CACNA2D1: variants seen among roughly 807,000 people sequenced by gnomAD.
The protein encoded by CACNA2D1 is voltage-dependent calcium channel subunit alpha-2/delta-1.
Under a neutral mutation model 171.5 loss-of-function variants are expected in CACNA2D1, and 53 were observed. The ratio of observed to expected loss-of-function variants is 0.31; its 90% CI spans 0.25 to 0.39. The LOEUF (loss-of-function observed/expected upper bound fraction) is 0.39, where lower values mean the gene tolerates loss of function less well. CACNA2D1 is among the 10% of genes least tolerant of loss of function. The probability of loss-of-function intolerance (pLI) is 1.00; values close to 1 mark genes in which losing one functional copy is unlikely to be tolerated. For missense variants in CACNA2D1, 903 were observed against 1,299.8 expected (o/e 0.69, Z 4.69); for synonymous variants, 442 against 443.1 (o/e 1.00, Z 0.03).
intron 3 of CACNA2D1, among the ~76,000 whole-genome samples, chr7:82,291,552 T>C (rs1278659658): frequency 1.4e-5 from 2 of 140,168 alleles, no homozygotes; most frequent in Admixed American, 7.5e-5. Flanking sequence ...TATAGATATA[T>C]ATAAATATAT....
intron 1 of CACNA2D1, among the ~76,000 whole-genome samples, chr7:82,364,654 A>G (rs778615510): frequency 6.6e-6 from 1 of 152,160 alleles, no homozygotes; most frequent in Admixed American, 6.5e-5. Flanking sequence ...TCCCAATCAG[A>G]TTCTTCCTGC....
chr7:82,125,309 G>T (rs763377084), intron 5 of CACNA2D1, among the ~76,000 whole-genome samples: 1 of 152,102 alleles, frequency 6.6e-6, no homozygotes, highest in Non-Finnish European at 1.5e-5. Context: ...GGTTAATAAG[G>T]CTTTGTAATG....
intron 4 of CACNA2D1, among the ~76,000 whole-genome samples, chr7:82,140,907 A>C (rs1792289975): frequency 6.9e-6 from 1 of 143,992 alleles, no homozygotes; most frequent in Non-Finnish European, 1.5e-5. Flanking sequence ...GTGAGCTGAG[A>C]TCACGCCACT....
intron 12 of CACNA2D1, among the ~76,000 whole-genome samples, chr7:82,016,465 TA>T (rs1800463402): frequency 1.3e-5 from 2 of 150,710 alleles, no homozygotes; most frequent in Admixed American, 1.3e-4. Context: ...AGTAAAAAAA[TA>T]AACAAGTAAG....
chr7:82,196,055 C>G (rs144308688), intron 3 of CACNA2D1, among the ~76,000 whole-genome samples: 2,063 of 105,076 alleles, frequency 0.02, 45 homozygotes, highest in African/African-American at 0.086. Flanking sequence ...CTGGATTCTA[C>G]TAATTTACAA....
At chr7:82,320,177 G>A (rs921295784) in intron 3 of CACNA2D1, among the ~76,000 whole-genome samples, 3 of 152,090 alleles carry the variant, frequency 2.0e-5, no homozygotes, top group South Asian at 4.1e-4. Context: ...GCAGAGAAAA[G>A]TATGAGTTTT....
At chr7:82,420,082 T>C (rs911789929) in intron 1 of CACNA2D1, among the ~76,000 whole-genome samples, 18 of 152,204 alleles carry the variant, frequency 1.2e-4, no homozygotes, top group African/African-American at 4.3e-4. Flanking sequence ...TGAGAAATTC[T>C]GCCTTAGGTT....
intron 24 of CACNA2D1, among the ~76,000 whole-genome samples, chr7:81,981,513 A>T (rs1054897140): frequency 6.6e-6 from 1 of 152,206 alleles, no homozygotes; most frequent in African/African-American, 2.4e-5. Context: ...TTTTGCAAGA[A>T]TTAAAGGGTA....
At chr7:82,161,751 G>T (rs567198648) in intron 4 of CACNA2D1, among the ~76,000 whole-genome samples, 1 of 152,118 alleles carries the variant, frequency 6.6e-6, no homozygotes, top group East Asian at 1.9e-4. Flanking sequence ...AATGAAAACA[G>T]CAAGCATGTC....
At chr7:82,424,341 G>T (rs911055113) in intron 1 of CACNA2D1, among the ~76,000 whole-genome samples, 3 of 152,154 alleles carry the variant, frequency 2.0e-5, no homozygotes, top group Non-Finnish European at 4.4e-5. Flanking sequence ...GTATTAAAAA[G>T]CACGTCATCG....
chr7:82,204,446 C>A (rs1214537050), intron 3 of CACNA2D1, among the ~76,000 whole-genome samples: 2 of 152,136 alleles, frequency 1.3e-5, no homozygotes, highest in African/African-American at 4.8e-5. Flanking sequence ...CTGTTGCTGC[C>A]TGCCCCAACA....
chr7:82,214,549 T>C (rs987203507), intron 3 of CACNA2D1, among the ~76,000 whole-genome samples: 1 of 151,340 alleles, frequency 6.6e-6, no homozygotes, highest in Non-Finnish European at 1.5e-5. Context: ...GTGAGCAACA[T>C]AGCACACAAT....
intron 1 of CACNA2D1, among the ~76,000 whole-genome samples, chr7:82,419,026 C>T (rs910208786): frequency 4.0e-5 from 6 of 151,332 alleles, no homozygotes; most frequent in African/African-American, 1.2e-4. Flanking sequence ...AGGAGAATGG[C>T]GTGAACCCGA....
chr7:81,977,096 G>A (rs759348929), intron 24 of CACNA2D1, among the ~76,000 whole-genome samples: 2 of 152,140 alleles, frequency 1.3e-5, no homozygotes, highest in Non-Finnish European at 2.9e-5. Context: ...ATGCTGAATA[G>A]GAGTGGTGAG....
At chr7:81,954,051 T>C (rs1203317208) in intron 38 of CACNA2D1, among the ~76,000 whole-genome samples, 1 of 152,082 alleles carries the variant, frequency 6.6e-6, no homozygotes, top group Non-Finnish European at 1.5e-5. Context: ...CCCAAGCATT[T>C]TGCATGGTGC....
In CACNA2D1 at chr7:82,026,486, C is replaced by G. The variant is rs531598291; in HGVS notation, c.1143+6311G>C. Reference sequence around the variant, plus strand: ...ACTGAGCATTTATATTTTACTAAATCTATCGAATTTCATTTTTACACATTG... The same window carrying G: ...ACTGAGCATTTATATTTTACTAAATGTATCGAATTTCATTTTTACACATTG... On this transcript the variant is annotated intron_variant, in intron 12 of 38. Coordinates refer to ENST00000356860, the MANE Select transcript of CACNA2D1 (RefSeq NM_000722.4). Among the ~76,000 whole-genome samples the G allele has an allele frequency of 2.5e-4, 38 of 151,778 alleles. No homozygotes were observed. The South Asian group carries it at 3.9e-3, about 16-fold the overall frequency.
At chr7:82,113,729 T>C (rs1282865378) in intron 6 of CACNA2D1, among the ~76,000 whole-genome samples, 1 of 152,182 alleles carries the variant, frequency 6.6e-6, no homozygotes, top group East Asian at 1.9e-4. Context: ...CTAAATCGGA[T>C]ATGTTCCCAC....
chr7:82,187,993 A>G (rs1797931615), intron 3 of CACNA2D1, among the ~76,000 whole-genome samples: 1 of 152,182 alleles, frequency 6.6e-6, no homozygotes, highest in African/African-American at 2.4e-5. Flanking sequence ...TCTTCCACTT[A>G]TTATATCTAA....
chr7:82,341,620 T>C (rs966113972), intron 2 of CACNA2D1, among the ~76,000 whole-genome samples: 1 of 152,218 alleles, frequency 6.6e-6, no homozygotes, highest in Non-Finnish European at 1.5e-5. Flanking sequence ...TATTGTCGAT[T>C]GTGTTTAGGG....
Sources: gnomAD v4.1 joint callset for allele counts (sites outside exome capture counted in the v4.1 genomes callset) on GRCh38, gnomAD v4.1.1 for gene constraint, MANE v1.5 for transcripts, NCBI Gene and HGNC (gene_info 2026-07-23, HGNC 2026-07-21) for gene names.